Variants in KIF13B observed in about 807,000 individuals in gnomAD.
The protein encoded by KIF13B is kinesin-like protein KIF13B.
KIF13B carries 127 observed loss-of-function variants against 222.0 expected under a neutral mutation model. The observed-to-expected ratio is 0.57, with a 90% confidence interval of 0.50 to 0.66. KIF13B has a LOEUF of 0.66. Among genes scored for constraint, KIF13B ranks in the 30% least tolerant of loss-of-function variants. The pLI is 0.00. For synonymous variants in KIF13B, 976 were observed against 919.0 expected, an observed-to-expected ratio of 1.06 and a Z score of -1.12; for missense variants, 2,173 against 2,379.0, an observed-to-expected ratio of 0.91 and a Z score of 1.80.
chr8:29,129,561 G>C (rs565574317), intron 24 of KIF13B, among the ~76,000 whole-genome samples: 1 of 151,840 alleles, frequency 6.6e-6, no homozygotes, highest in African/African-American at 2.4e-5. Context: ...TCGTTTTCTA[G>C]AGCGATTCTA....
chr8:29,201,711 A>G (rs577565019), intron 2 of KIF13B, among the ~76,000 whole-genome samples: 1 of 152,226 alleles, frequency 6.6e-6, no homozygotes, highest in South Asian at 2.1e-4. Flanking sequence ...CCCCACCCCA[A>G]CCCGCTGTAT....
chr8:29,261,806 G>C (rs1009848648), intron 1 of KIF13B, among the ~76,000 whole-genome samples: 3 of 147,382 alleles, frequency 2.0e-5, no homozygotes, highest in African/African-American at 7.7e-5. Flanking sequence ...CCATAGATGA[G>C]ATAACTCCAA....
At chr8:29,084,000 C>T (rs543864255) in intron 37 of KIF13B, among the ~76,000 whole-genome samples, 7 of 152,208 alleles carry the variant, frequency 4.6e-5, no homozygotes, top group East Asian at 1.9e-4. Flanking sequence ...CTGCAACCTC[C>T]GCCTCCAGGG....
intron 2 of KIF13B, among the ~76,000 whole-genome samples, chr8:29,209,341 C>G (rs2130463445): frequency 1.3e-5 from 2 of 152,204 alleles, no homozygotes; most frequent in East Asian, 3.9e-4. Context: ...TGGACTCAGC[C>G]ATATCTCATT....
chr8:29,130,448 A>T, intron 24 of KIF13B, 85 bp downstream of exon 24: 3 of 1,369,352 alleles, frequency 2.2e-6, no homozygotes, highest in Non-Finnish European at 3.1e-6. Context: ...AGATTTCATT[A>T]TTGCCAACAT....
intron 3 of KIF13B, among the ~76,000 whole-genome samples, chr8:29,193,286 T>C (rs1253662033): frequency 6.6e-6 from 1 of 152,122 alleles, no homozygotes; most frequent in Non-Finnish European, 1.5e-5. Context: ...CGTATATCTA[T>C]CAGCAGTGGT....
chr8:29,205,752 C>T (rs758808839), intron 2 of KIF13B, among the ~76,000 whole-genome samples: 23 of 152,052 alleles, frequency 1.5e-4, no homozygotes, highest in Non-Finnish European at 1.0e-4. Flanking sequence ...AGTGGTAGGT[C>T]TAGAGTTTAG....
Position 29,076,100 on chromosome 8 carries a change from G to A in KIF13B, c.4459-757C>T, listed in dbSNP as rs954059324. ...ACAGAGTTAAGAATCATCAGAGCCA[G>A]GAAAAGGGAAGCCTCGGGGAGAGAA... On this transcript the variant is annotated intron_variant, in intron 37 of 39. Coordinates refer to ENST00000524189, the MANE Select transcript of KIF13B (RefSeq NM_015254.4). Among the ~76,000 whole-genome samples the A allele has an allele frequency of 1.1e-4, 16 of 152,340 alleles. No individual in the cohort carries two copies. In the East Asian group the frequency reaches 1.2e-3, roughly 11 times the overall value.
chr8:29,215,504 C>G (rs542429904), intron 2 of KIF13B, among the ~76,000 whole-genome samples: 5 of 152,172 alleles, frequency 3.3e-5, no homozygotes, highest in African/African-American at 1.2e-4. Flanking sequence ...GCTTGAGCAA[C>G]GTAGGGAGAC....
chr8:29,080,977 G>A (rs1055836086), intron 37 of KIF13B, among the ~76,000 whole-genome samples: 2 of 152,130 alleles, frequency 1.3e-5, no homozygotes, highest in Non-Finnish European at 2.9e-5. Context: ...GGAGCTTTCC[G>A]AAAAACAAAA....
intron 24 of KIF13B, among the ~76,000 whole-genome samples, chr8:29,128,644 A>G (rs746676612): frequency 5.9e-5 from 9 of 152,326 alleles, no homozygotes; most frequent in Non-Finnish European, 1.2e-4. Flanking sequence ...CTAAGTGTGA[A>G]GGGTGAAGTG....
chr8:29,092,659 C>T, intron 37 of KIF13B, 86 bp downstream of exon 37: 2 of 1,404,582 alleles, frequency 1.4e-6, no homozygotes, highest in Non-Finnish European at 1.9e-6. Context: ...AACCCAGAGG[C>T]CGCACCTCCA....
intron 19 of KIF13B, 121 bp from the exon 20 acceptor site, chr8:29,140,738 ATT>A: frequency 1.1e-6 from 1 of 911,596 alleles, no homozygotes; most frequent in Non-Finnish European, 1.6e-6. Context: ...TAACTCTTGT[ATT>A]TTTTAGAGTA....
In KIF13B at chr8:29,099,938, C is replaced by G. The variant is rs984641516; in HGVS notation, c.4216-697G>C. 7.2e-5 allele frequency among the ~76,000 whole-genome samples: 11 copies of G among 152,304 alleles called. No individual in the cohort carries two copies. In the East Asian group the frequency reaches 1.7e-3, roughly 24 times the overall value. On this transcript the variant is annotated intron_variant, in intron 35 of 39. Coordinates refer to ENST00000524189, the MANE Select transcript of KIF13B (RefSeq NM_015254.4). ...ATACCCTTTTTCACTCAGTTCTCCACAGAAACCCACGAACAACTCTATAGT... is the reference window on the plus strand; with the variant it reads ...ATACCCTTTTTCACTCAGTTCTCCAGAGAAACCCACGAACAACTCTATAGT...
Position 29,067,401 on chromosome 8 carries a change from A to C in KIF13B, c.*3103T>G, listed in dbSNP as rs1807046957. On this transcript the variant is annotated 3_prime_UTR_variant, in exon 40 of 40. Coordinates refer to ENST00000524189, the MANE Select transcript of KIF13B (RefSeq NM_015254.4). ...GATACAAATCATTAGAGTCTTTACA[A>C]GTCATTAGAGTCTTTGGATTTTTTA... The C allele has an allele frequency of 6.6e-6, 1 of 152,622 alleles. No individual in the cohort carries two copies. The allele number at this position is 152,622 out of a possible 1,614,324, so 9.5% of individuals were successfully genotyped here.
intron 10 of KIF13B, among the ~76,000 whole-genome samples, chr8:29,173,900 G>A (rs185841911): frequency 3.5e-4 from 50 of 143,368 alleles, no homozygotes; most frequent in East Asian, 2.2e-3. Flanking sequence ...CCGAGACTGC[G>A]CCACTACACT....
intron 37 of KIF13B, among the ~76,000 whole-genome samples, chr8:29,084,905 T>C (rs1362444466): frequency 1.3e-5 from 2 of 152,174 alleles, no homozygotes; most frequent in South Asian, 4.1e-4. Context: ...AGACAGCAAT[T>C]TTGTCAGCTG....
chr8:29,224,664 C>A (rs921565714), intron 2 of KIF13B, among the ~76,000 whole-genome samples: 2 of 149,660 alleles, frequency 1.3e-5, no homozygotes, highest in African/African-American at 2.5e-5. Flanking sequence ...TTTATAGAAC[C>A]CCCCCCCATT....
intron 37 of KIF13B, among the ~76,000 whole-genome samples, chr8:29,076,168 C>T (rs530499300): frequency 2.6e-5 from 4 of 152,288 alleles, no homozygotes; most frequent in South Asian, 2.1e-4. Flanking sequence ...GGCTGTGGGA[C>T]ACAGAAGCAG....
Sources: allele counts gnomAD v4.1 joint callset (sites outside exome capture counted in the v4.1 genomes callset), GRCh38; gene constraint gnomAD v4.1.1; transcripts MANE v1.5; gene names NCBI Gene and HGNC (gene_info 2026-07-23, HGNC 2026-07-21).